Variants in MUC5B observed in about 807,000 individuals in gnomAD.
MUC5B encodes the protein mucin 5B, oligomeric mucus/gel-forming, also known as mucin-5B.
MUC5B carries 116 observed loss-of-function variants against 376.9 expected under a neutral mutation model. The ratio of observed to expected loss-of-function variants is 0.31; its 90% CI spans 0.26 to 0.36. The LOEUF is 0.36. Ranked by LOEUF, MUC5B falls within the 10% of genes least tolerant of loss-of-function variation. The pLI is 1.00. For synonymous variants in MUC5B, 3,517 were observed against 3,390.9 expected (o/e 1.04, Z -1.29); for missense variants, 7,165 against 7,769.9 (o/e 0.92, Z 2.93).
Position 1,249,419 on chromosome 11 carries a change from C to T in MUC5B, c.12539C>T (p.Pro4180Leu). The T allele has an allele frequency of 1.2e-6, 2 of 1,611,430 alleles. No homozygotes were observed. Among genetic ancestry groups the T allele is most frequent in the East Asian group, 4.5e-5 (2 of 44,870 alleles). The change falls in exon 31 of 49, where the codon CCT (proline) becomes CTT (leucine). Residue 4180 changes from proline to leucine, a missense_variant. This residue lies in a region of MUC5B where 34 missense variants were observed against 25.7 expected (regional missense o/e 1.32). Transcript: ENST00000529681. ...CTCGAGTGCCGTGCCCAGGCCCAGC[C>T]TGGTGTCCCCCTGGGGGAGTTGGGC... ...LGLECRAQAQ[P>L]GVPLGELGQV...
chr11:1,252,733 C>T, intron 32 of MUC5B, 76 bp from the exon 33 acceptor site: 1 of 1,504,438 alleles, frequency 6.6e-7, no homozygotes, highest in East Asian at 2.5e-5. Context: ...GGGCTTTGGG[C>T]CATGAGGGGT....
Position 1,226,737 on chromosome 11 carries a change from C to T in MUC5B, c.322C>T (p.Arg108Cys), listed in dbSNP as rs751689733. The change falls in exon 4 of 49, where the codon CGC (arginine) becomes TGC (cysteine). Residue 108 changes from arginine (R) to cysteine (C), a missense_variant. Arg to Cys is a radical substitution (Grantham distance 180). Coordinates refer to ENST00000529681, the MANE Select transcript of MUC5B (RefSeq NM_002458.3). ...LCNYVFSEHC[R>C]AAYEDFNVQL... ...CAACTACGTGTTCTCTGAGCACTGC[C>T]GCGCCGCCTACGAGGACTTCAACGT... 20 of 1,612,658 alleles carry T rather than the reference C, an allele frequency of 1.2e-5. No homozygotes were observed. The highest frequency in any genetic ancestry group is 1.6e-4 in the Middle Eastern group (1 of 6,084).
At chr11:1,229,897 G>A in intron 10 of MUC5B, 90 bp downstream of exon 10, 1 of 1,546,224 alleles carries the variant, frequency 6.5e-7, no homozygotes. Flanking sequence ...GGGTGGGGGT[G>A]TGGAGCTCCT....
chr11:1,239,898 A>G lies in MUC5B; in HGVS notation c.3683A>G (p.Tyr1228Cys), dbSNP rs1364700741. 3.1e-6 allele frequency: 5 copies of G among 1,613,336 alleles called. No individual in the cohort carries two copies. The highest frequency in any genetic ancestry group is 4.2e-6 in the Non-Finnish European group (5 of 1,179,716). The stretch of plus-strand genomic sequence containing the variant: ...TGCTACGACAAGGACGGAAACTACT[A>G]TGACGTCGGTGCAAGGGTCCCCACA... ...CGCYDKDGNY[Y>C]DVGARVPTAE... The change falls in exon 28 of 49, where the codon TAT becomes TGT. Residue 1228 changes from tyrosine (Y) to cysteine (C), a missense_variant. By Grantham distance (194) the Tyr-to-Cys change is radical. Coordinates refer to ENST00000529681, the MANE Select transcript of MUC5B (RefSeq NM_002458.3).
rs769204646 is a variant in MUC5B at position 1,247,380 on chromosome 11, T to C, written c.10500T>C (p.Ser3500=). 1 of 1,608,844 alleles carries C rather than the reference T, an allele frequency of 6.2e-7. No homozygotes were observed. Among genetic ancestry groups the C allele is most frequent in the South Asian group, 1.1e-5 (1 of 90,784 alleles). The change falls in exon 31 of 49, where the codon AGT becomes AGC. Residue 3500 remains serine, a synonymous_variant. Transcript: ENST00000529681. Reference sequence around the variant, plus strand: ...CCCACACCCCAGCAGCAACCACCAGTACCACCCAGCACTCGACTCCAGCCC... The same window carrying C: ...CCCACACCCCAGCAGCAACCACCAGCACCACCCAGCACTCGACTCCAGCCC... ...VTSHTPAATT[S]TTQHSTPALS...
rs778086624 is a variant in MUC5B, at chr11:1,249,889, C to G, written c.13009C>G (p.Leu4337Val). The change falls in exon 31 of 49, where the codon CTC becomes GTC. Residue 4337 changes from leucine (L) to valine (V), a missense_variant. This residue lies in a region of MUC5B where 431 missense variants were observed against 390.4 expected (regional missense o/e 1.10). Transcript: ENST00000529681. ...CTCCACCCTTGGGACCACCGGGACC[C>G]TCCCAGAACAGACCACCACACCCGT... ...PSSTLGTTGT[L>V]PEQTTTPVAT... The G allele has an allele frequency of 1.2e-6, 2 of 1,613,684 alleles. No individual in the cohort carries two copies. The highest frequency in any genetic ancestry group is 2.2e-5 in the South Asian group (2 of 91,082).
Position 1,247,056 on chromosome 11 carries a change from C to G in MUC5B, c.10176C>G (p.Thr3392=). 1 of 1,557,402 alleles carries G rather than the reference C, an allele frequency of 6.4e-7. No homozygotes were observed. The highest frequency in any genetic ancestry group is 8.7e-7 in the Non-Finnish European group (1 of 1,150,502). ...GTGGTACTCCCCCATCACTGACCAC[C>G]ACGGCCACTACGATCACAGCCACCG... is the stretch of plus-strand genomic sequence containing the variant. ...QTSGTPPSLT[T]TATTITATGS... is the part of the protein sequence containing the mutation. Residue 3392 remains threonine, a synonymous_variant, in exon 31 of 49, where the codon ACC becomes ACG. Transcript: ENST00000529681.
rs761325672 is a variant in MUC5B, at chr11:1,235,129, T to G, written c.2675T>G (p.Leu892Arg). The G allele has an allele frequency of 1.2e-6, 2 of 1,612,800 alleles. No individual in the cohort carries two copies. Among genetic ancestry groups the G allele is most frequent in the Non-Finnish European group, 1.7e-6 (2 of 1,179,636 alleles). The change falls in exon 22 of 49, where the codon CTG becomes CGG. Residue 892 changes from leucine (L) to arginine (R), a missense_variant. Leu to Arg is a moderately radical substitution (Grantham distance 102, BLOSUM62 -2). Around this residue, in one of 31 missense-constraint regions of MUC5B, gnomAD observed 530 missense variants for 604.0 expected, o/e 0.88. Transcript: ENST00000529681. ...TGGGAGTGCAGCCACCGGCTCTGCCTGGGCACCTGCGTGGCCTACGGGGAT... is the reference window on the plus strand; with the variant it reads ...TGGGAGTGCAGCCACCGGCTCTGCCGGGGCACCTGCGTGGCCTACGGGGAT... Reference protein sequence around the residue: ...RRWECSHRLCLGTCVAYGDGH... With the variant: ...RRWECSHRLCRGTCVAYGDGH...
At chr11:1,233,762 A>C in intron 18 of MUC5B, 31 bp from the exon 19 acceptor site, 1 of 1,588,720 alleles carries the variant, frequency 6.3e-7, no homozygotes, top group Non-Finnish European at 8.6e-7. Context: ...TGAGGGCCGC[A>C]GATCCAGGCT....
intron 1 of MUC5B, among the ~76,000 whole-genome samples, chr11:1,224,397 C>T (rs1446445662): frequency 1.3e-5 from 2 of 151,668 alleles, no homozygotes; most frequent in Non-Finnish European, 2.9e-5. Flanking sequence ...CCCAGGTGGT[C>T]CAGCCCAAGG....
chr11:1,252,044 C>A (rs924278228), intron 31 of MUC5B, among the ~76,000 whole-genome samples: 1 of 151,984 alleles, frequency 6.6e-6, no homozygotes, highest in African/African-American at 2.4e-5. Flanking sequence ...CCACTGGCCA[C>A]ACTGGGTCTC....
intron 9 of MUC5B, 146 bp downstream of exon 9, chr11:1,229,441 G>A: frequency 9.5e-7 from 1 of 1,054,270 alleles, no homozygotes; most frequent in East Asian, 2.6e-5. Context: ...CACTGGCTGG[G>A]AGGGTGCCGG....
In MUC5B at chr11:1,242,771, C is replaced by A; in HGVS notation, c.5891C>A (p.Ala1964Asp). The change falls in exon 31 of 49, where the codon GCC becomes GAC. Residue 1964 changes from alanine (A) to aspartate (D), a missense_variant. By Grantham distance (126) the Ala-to-Asp change is moderately radical. Transcript: ENST00000529681. ...TCCTCCAGTCCAGGGACTGCAACCG[C>A]CCTTCCAGCACTGAGAAGCACAGCC... Reference protein sequence around the residue: ...TPSSSPGTATALPALRSTATT... With the variant: ...TPSSSPGTATDLPALRSTATT... 1 of 1,613,492 alleles carries A rather than the reference C, an allele frequency of 6.2e-7. No individual in the cohort carries two copies. The highest frequency in any genetic ancestry group is 8.5e-7 in the Non-Finnish European group (1 of 1,179,636).
chr11:1,253,541 G>A lies in MUC5B; in HGVS notation c.15218-551G>A, dbSNP rs55676196. ...TGGCCCAGGGCTGCTGTTCCAAACC[G>A]CCACAAGCTGGGGAGCTTATACAAC... is the stretch of plus-strand genomic sequence containing the variant. On this transcript the variant is annotated intron_variant, in intron 33 of 48. Transcript: ENST00000529681. This position sits in a 1 kb window ranked among gnomAD's most constrained non-coding sequence, Gnocchi z 4.3. 3.9e-5 allele frequency among the ~76,000 whole-genome samples: 6 copies of A among 152,230 alleles called. No homozygotes were observed. In the East Asian group the frequency reaches 9.7e-4, roughly 25 times the overall value.
rs1862708678 is a variant in MUC5B, at chr11:1,251,809, G to T, written c.14863+66G>T. The T allele has an allele frequency of 8.4e-6, 10 of 1,187,012 alleles. 2 individuals are homozygous for T. In the South Asian group the frequency reaches 1.3e-4, roughly 15 times the overall value. The allele number at this position is 1,187,012 out of a possible 1,614,324, so 73.5% of individuals were successfully genotyped here. The stretch of plus-strand genomic sequence containing the variant: ...ATGCTATGCCAACCTGGGTCTGCCT[G>T]TCCTGGGAGCCAGTGGCTTTCTCCC... On this transcript the variant is annotated intron_variant, in intron 31 of 48. Transcript: ENST00000529681.
intron 26 of MUC5B, 112 bp downstream of exon 26, chr11:1,239,139 C>G: frequency 7.7e-7 from 1 of 1,303,550 alleles, no homozygotes; most frequent in Non-Finnish European, 1.1e-6. Flanking sequence ...CACAGACATC[C>G]AACACGCATG....
In MUC5B at chr11:1,250,586, C is replaced by T. The variant is rs1210459032; in HGVS notation, c.13706C>T (p.Ala4569Val). Residue 4569 changes from alanine (A) to valine (V), a missense_variant, in exon 31 of 49, where the codon GCC (alanine) becomes GTC (valine). Ala to Val is a moderately conservative substitution (Grantham distance 64). Transcript: ENST00000529681. ...VHTSTVLTAT[A>V]TTTGATGSVA... ...ACCTCCACAGTGCTTACCGCCACGG[C>T]CACCACAACCGGGGCCACCGGCTCT... 1.9e-6 allele frequency: 3 copies of T among 1,613,556 alleles called. No individual in the cohort carries two copies. The South Asian group carries it at 3.3e-5, about 18-fold the overall frequency.
rs778493784 is a variant in MUC5B, at chr11:1,243,128, C to A, written c.6248C>A (p.Pro2083His). Residue 2083 changes from proline to histidine, a missense_variant, in exon 31 of 49, where the codon CCC becomes CAC. By Grantham distance (77) the Pro-to-His change is moderately conservative (BLOSUM62 -2). Coordinates refer to ENST00000529681, the MANE Select transcript of MUC5B (RefSeq NM_002458.3). Reference protein sequence around the residue: ...PPVWISTTTTPTTRGSTVTPS... With the variant: ...PPVWISTTTTHTTRGSTVTPS... ...GTGTGGATCAGCACAACCACCACAC[C>A]CACAACCAGAGGCTCCACGGTGACC... is the stretch of plus-strand genomic sequence containing the variant. 3.1e-6 allele frequency: 5 copies of A among 1,610,502 alleles called. No individual in the cohort carries two copies. Among genetic ancestry groups the A allele is most frequent in the Non-Finnish European group, 4.2e-6 (5 of 1,178,476 alleles).
At position 1,245,869 on chromosome 11, in the gene MUC5B, A is replaced by T. The variant is rs766522494; in HGVS notation, c.8989A>T (p.Thr2997Ser). 6.2e-7 allele frequency: 1 copy of T among 1,613,410 alleles called. No individual in the cohort carries two copies. Among genetic ancestry groups the T allele is most frequent in the South Asian group, 1.1e-5 (1 of 91,062 alleles). ...GACGACCTGGATCCTCACAGAGCAG[A>T]CCACAGCAGCCACTACGACCGCAAC... ...PGTTWILTEQ[T>S]TAATTTATTG... Residue 2997 changes from threonine to serine, a missense_variant, in exon 31 of 49, where the codon ACC becomes TCC. Thr to Ser is a moderately conservative substitution (Grantham distance 58). This residue lies in a region of MUC5B where 939 missense variants were observed against 770.6 expected (regional missense o/e 1.22). Transcript: ENST00000529681.
Sources: gnomAD v4.1 joint callset for allele counts (sites outside exome capture counted in the v4.1 genomes callset) on GRCh38, gnomAD v4.1.1 for gene constraint, gnomAD v4.1.1 regional missense constraint, Gnocchi (gnomAD v3.1) non-coding constraint, MANE v1.5 for transcripts, NCBI Gene and HGNC (gene_info 2026-07-23, HGNC 2026-07-21) for gene names.